CTNND2: variants seen among roughly 807,000 people sequenced by gnomAD.
The protein encoded by CTNND2 is catenin delta 2.
A neutral mutation model predicts 144.4 loss-of-function variants in CTNND2; 22 were observed. The observed-to-expected ratio is 0.15, with a 90% confidence interval of 0.11 to 0.22. The LOEUF is 0.22. Ranked by LOEUF, CTNND2 falls within the 10% of genes least tolerant of loss-of-function variation. The pLI is 1.00. For missense variants in CTNND2, 1,353 were observed against 1,618.8 expected (o/e 0.84, Z 2.82); for synonymous variants, 751 against 695.6 (o/e 1.08, Z -1.25).
chr5:11,732,368 T>C (rs1787440476), intron 1 of CTNND2, 96 bp from the exon 2 acceptor site: 34 of 1,224,638 alleles, frequency 2.8e-5, no homozygotes, highest in Non-Finnish European at 3.8e-5. Context: ...GAAAAAAAAG[T>C]AAAACTATAA....
At chr5:11,867,232 T>C (rs148367592) in intron 1 of CTNND2, among the ~76,000 whole-genome samples, 1,892 of 152,354 alleles carry the variant, frequency 0.012, 34 homozygotes, top group Non-Finnish European at 0.013. Flanking sequence ...ACTAATTTTA[T>C]TGCATGTTAA....
intron 3 of CTNND2, among the ~76,000 whole-genome samples, chr5:11,499,858 A>T (rs1300141324): frequency 6.6e-6 from 1 of 152,160 alleles, no homozygotes; most frequent in Admixed American, 6.5e-5. Context: ...TGATAAAAAG[A>T]AGTATTTTTT....
intron 1 of CTNND2, among the ~76,000 whole-genome samples, chr5:11,901,987 A>C (rs947825888): frequency 1.3e-5 from 2 of 152,230 alleles, no homozygotes; most frequent in African/African-American, 4.8e-5. Flanking sequence ...GCTCTCGGAA[A>C]GTTCCCTGAA....
At chr5:11,853,704 C>T (rs10058868) in intron 1 of CTNND2, among the ~76,000 whole-genome samples, 105,377 of 152,074 alleles carry the variant, frequency 0.69, 36,614 homozygotes, top group South Asian at 0.78. Flanking sequence ...AATTGCATCC[C>T]TACAGTTTCT....
intron 10 of CTNND2, among the ~76,000 whole-genome samples, chr5:11,220,740 G>C (rs940175280): frequency 8.5e-5 from 13 of 152,176 alleles, no homozygotes; most frequent in African/African-American, 3.1e-4. Flanking sequence ...GGATATGCCA[G>C]TATTATTCAC....
chr5:11,675,522 G>C (rs891310333), intron 2 of CTNND2, among the ~76,000 whole-genome samples: 36 of 152,044 alleles, frequency 2.4e-4, no homozygotes, highest in African/African-American at 8.5e-4. Flanking sequence ...CCACCTCTGT[G>C]TAACCTGACC....
In CTNND2 at chr5:11,240,207, C is replaced by A. The variant is rs201048907; in HGVS notation, c.1629-3384G>T. 5.6e-3 allele frequency among the ~76,000 whole-genome samples: 635 copies of A among 112,696 alleles called. 15 individuals are homozygous for A. In the East Asian group the frequency reaches 0.094, roughly 17 times the overall value. The allele number at this position is 112,696 out of a possible 152,430, so 73.9% of individuals were successfully genotyped here. ...ACACACCCAACACACACACACACAC[C>A]CCCAACACACACACCCAACACACAC... On this transcript the variant is annotated intron_variant, in intron 9 of 21. Transcript: ENST00000304623.
chr5:11,489,770 T>C (rs1769211005), intron 3 of CTNND2, among the ~76,000 whole-genome samples: 1 of 152,254 alleles, frequency 6.6e-6, no homozygotes, highest in African/African-American at 2.4e-5. Flanking sequence ...TGTTATTCAT[T>C]TTATTTATAA....
At chr5:11,692,862 A>T (rs541845247) in intron 2 of CTNND2, among the ~76,000 whole-genome samples, 39 of 152,292 alleles carry the variant, frequency 2.6e-4, no homozygotes, top group Middle Eastern at 3.4e-3. Context: ...TCGGCCTCCT[A>T]AAGTGCTGGG....
At chr5:11,308,012 G>T (rs1201343794) in intron 9 of CTNND2, among the ~76,000 whole-genome samples, 1 of 152,144 alleles carries the variant, frequency 6.6e-6, no homozygotes, top group Non-Finnish European at 1.5e-5. Flanking sequence ...AAAGACTGCT[G>T]TCCCTGAGCC....
intron 1 of CTNND2, among the ~76,000 whole-genome samples, chr5:11,828,588 T>C (rs561106259): frequency 6.6e-6 from 1 of 152,278 alleles, no homozygotes; most frequent in African/African-American, 2.4e-5. Context: ...CTCTGACTGC[T>C]GTCACCCATG....
intron 8 of CTNND2, among the ~76,000 whole-genome samples, chr5:11,348,672 A>ATTAGCCGGGCGTGGT (rs1561258832): frequency 6.6e-6 from 1 of 152,208 alleles, no homozygotes; most frequent in East Asian, 1.9e-4. Flanking sequence ...CTTTTTGTTA[A>ATTAGCCGGGCGTGGT]GAAAACAACA....
At chr5:11,344,239 A>C (rs1754541379) in intron 9 of CTNND2, among the ~76,000 whole-genome samples, 1 of 152,136 alleles carries the variant, frequency 6.6e-6, no homozygotes, top group Non-Finnish European at 1.5e-5. Context: ...AAAAATACAA[A>C]AAATTAGCCG....
intron 1 of CTNND2, among the ~76,000 whole-genome samples, chr5:11,876,862 A>G (rs544497856): frequency 6.6e-6 from 1 of 152,332 alleles, no homozygotes; most frequent in African/African-American, 2.4e-5. Context: ...GAAATAAGCC[A>G]CATTTAACAT....
At chr5:11,212,276 T>C (rs1738715655) in intron 10 of CTNND2, among the ~76,000 whole-genome samples, 1 of 152,146 alleles carries the variant, frequency 6.6e-6, no homozygotes, top group African/African-American at 2.4e-5. Flanking sequence ...ACAAATACAG[T>C]GTATGAAGCC....
At chr5:11,797,403 C>G (rs1791460470) in intron 1 of CTNND2, among the ~76,000 whole-genome samples, 1 of 152,160 alleles carries the variant, frequency 6.6e-6, no homozygotes, top group Non-Finnish European at 1.5e-5. Flanking sequence ...AATTTTCCCT[C>G]ATTTTGGATG....
At chr5:11,375,336 C>G (rs541291994) in intron 7 of CTNND2, among the ~76,000 whole-genome samples, 1 of 152,334 alleles carries the variant, frequency 6.6e-6, no homozygotes, top group South Asian at 2.1e-4. Context: ...AACAGCTTCA[C>G]AGATTAGTAA....
At chr5:11,073,773 C>T (rs1340149713) in intron 16 of CTNND2, among the ~76,000 whole-genome samples, 1 of 152,188 alleles carries the variant, frequency 6.6e-6, no homozygotes, top group Non-Finnish European at 1.5e-5. Context: ...TACAAAGTTC[C>T]AGCCAAGGTA....
intron 2 of CTNND2, among the ~76,000 whole-genome samples, chr5:11,603,303 A>G (rs542777007): frequency 2.0e-5 from 3 of 152,292 alleles, no homozygotes; most frequent in Admixed American, 2.0e-4. Context: ...CTGGTTTCCA[A>G]AATAGATCCC....
Sources: gnomAD v4.1 joint callset for allele counts (sites outside exome capture counted in the v4.1 genomes callset) on GRCh38, gnomAD v4.1.1 for gene constraint, MANE v1.5 for transcripts, NCBI Gene and HGNC (gene_info 2026-07-23, HGNC 2026-07-21) for gene names.